Variants in LGALS14 observed in about 807,000 individuals in gnomAD.
LGALS14 encodes the protein galectin 14, also known as placental protein 13-like.
In LGALS14, 14 loss-of-function variants were observed where a neutral mutation model predicts 14.6. That is an observed-to-expected ratio of 0.96 (90% CI 0.64 to 1.50). The LOEUF (loss-of-function observed/expected upper bound fraction) is 1.50. Ranked by LOEUF, LGALS14 falls within the 40% of genes most tolerant of loss-of-function variation. The probability of loss-of-function intolerance (pLI) is 0.00; values close to 1 mark genes in which losing one functional copy is unlikely to be tolerated. For missense variants in LGALS14, 180 were observed against 172.0 expected (o/e 1.05, Z -0.26); for synonymous variants, 57 against 63.9 (o/e 0.89, Z 0.51).
In LGALS14 at chr19:39,706,111, T is replaced by C. The variant is rs1427025429; in HGVS notation, c.16-486T>C. On this transcript the variant is annotated intron_variant, in intron 1 of 3. Coordinates refer to ENST00000392052, the MANE Select transcript of LGALS14 (RefSeq NM_020129.3). ...CACTGGAGTGAATTTTTAAATTCTT[T>C]CACCCTCAAGTCTTGTTTTCATTTT... 8 of 1,500,232 alleles carry C rather than the reference T, an allele frequency of 5.3e-6. No individual in the cohort carries two copies. In the African/African-American group the frequency reaches 1.1e-4, roughly 21 times the overall value. 92.9% of individuals were successfully genotyped at this position (1,500,232 alleles called of 1,614,324 possible).
In LGALS14 at chr19:39,707,140, G is replaced by C. The variant is rs77333432; in HGVS notation, c.93-38G>C. The stretch of plus-strand genomic sequence containing the variant: ...GTGGCGAGTGTGTGTCTGCACAATG[G>C]GGGGACCTGCCCAACATGCTGTGTG... On this transcript the variant is annotated intron_variant, in intron 2 of 3. Coordinates refer to ENST00000392052, the MANE Select transcript of LGALS14 (RefSeq NM_020129.3). 114 of 1,505,738 alleles carry C rather than the reference G, an allele frequency of 7.6e-5. No homozygotes were observed. The East Asian group carries it at 1.5e-3, about 19-fold the overall frequency. The allele number at this position is 1,505,738 out of a possible 1,614,324, so 93.3% of individuals were successfully genotyped here. A position where few individuals can be genotyped will look rare whatever the true frequency, so the allele number is the denominator to read the frequency against.
intron 1 of LGALS14, among the ~76,000 whole-genome samples, chr19:39,705,528 A>G (rs1600834537): frequency 6.6e-6 from 1 of 152,158 alleles, no homozygotes; most frequent in East Asian, 1.9e-4. Flanking sequence ...CTGAATTCAG[A>G]CAGTGCTTAC....
chr19:39,708,492 A>G (rs1245093232), intron 3 of LGALS14, among the ~76,000 whole-genome samples: 1 of 152,216 alleles, frequency 6.6e-6, no homozygotes, highest in Non-Finnish European at 1.5e-5. Context: ...AAAAATGTGT[A>G]AATTTTAAAT....
intron 1 of LGALS14, chr19:39,706,014 G>GTGTA (rs760345913): frequency 2.3e-4 from 369 of 1,613,568 alleles, no homozygotes; most frequent in Non-Finnish European, 2.9e-4. Context: ...ATTGTGGTGC[G>GTGTA]TGTACATCCC....
At chr19:39,705,898 C>G in intron 1 of LGALS14, 1 of 1,612,610 alleles carries the variant, frequency 6.2e-7, no homozygotes, top group African/African-American at 1.3e-5. Context: ...ATCAATCATT[C>G]CCTCCAGTTA....
At chr19:39,705,878 C>A (rs780835158) in intron 1 of LGALS14, 24 of 1,611,152 alleles carry the variant, frequency 1.5e-5, no homozygotes, top group Non-Finnish European at 2.0e-5. Flanking sequence ...CACTTGCAGT[C>A]GTCGTAGAAA....
rs1234330972 is a variant in LGALS14, at chr19:39,707,348, C to T, written c.263C>T (p.Pro88Leu). The stretch of plus-strand genomic sequence containing the variant: ...TATTTACCCTTTGAAGATGGCAAAC[C>T]ATTTGAGCTGTGCATCTATGTGCGT... ...CYYLPFEDGK[P>L]FELCIYVRHK... The change falls in exon 3 of 4, where the codon CCA becomes CTA. Residue 88 changes from proline to leucine, a missense_variant. Physicochemically the swap from Pro to Leu is moderately conservative, Grantham distance 98. Coordinates refer to ENST00000392052, the MANE Select transcript of LGALS14 (RefSeq NM_020129.3). The T allele has an allele frequency of 3.1e-6, 5 of 1,614,066 alleles. No individual in the cohort carries two copies. Among genetic ancestry groups the T allele is most frequent in the South Asian group, 1.1e-5 (1 of 91,080 alleles).
chr19:39,707,941 C>A (rs1973741819), intron 3 of LGALS14, among the ~76,000 whole-genome samples: 1 of 152,036 alleles, frequency 6.6e-6, no homozygotes, highest in Non-Finnish European at 1.5e-5. Flanking sequence ...TCCCAAGTAG[C>A]CGGAATTACA....
intron 1 of LGALS14, chr19:39,705,961 T>C: frequency 6.2e-7 from 1 of 1,613,988 alleles, no homozygotes; most frequent in Non-Finnish European, 8.5e-7. Context: ...GTGCTGTCAG[T>C]AATGTGTGCC....
chr19:39,705,811 T>C, intron 1 of LGALS14: 1 of 1,470,646 alleles, frequency 6.8e-7, no homozygotes, highest in East Asian at 2.3e-5. Flanking sequence ...CACCACTGCA[T>C]ATCAGCCTGG....
intron 1 of LGALS14, 36 bp downstream of exon 1, chr19:39,704,579 G>T (rs1257464668): frequency 1.2e-6 from 2 of 1,608,682 alleles, no homozygotes; most frequent in South Asian, 2.2e-5. Context: ...ATAATCTCAA[G>T]TCACATAAAC....
intron 1 of LGALS14, 125 bp from the exon 2 acceptor site, chr19:39,706,472 G>A (rs62121663): frequency 5.6e-5 from 40 of 711,612 alleles, no homozygotes; most frequent in Non-Finnish European, 9.1e-5. Flanking sequence ...ACTGTGGTAG[G>A]GTGAAAGGGG....
In LGALS14 at chr19:39,705,648, G is replaced by A. The variant is rs184531725; in HGVS notation, c.16-949G>A. On this transcript the variant is annotated intron_variant, in intron 1 of 3. Transcript: ENST00000392052. ...ACTTGAGGCCAGAAATTTGAGACCG[G>A]TCTAGGCATCATAGTGATATGCTTT... is the stretch of plus-strand genomic sequence containing the variant. 1,423 of 359,328 alleles carry A rather than the reference G, an allele frequency of 4.0e-3. 17 individuals are homozygous for A. The highest frequency in any genetic ancestry group is 0.022 in the South Asian group (762 of 35,404). 22.3% of individuals were successfully genotyped at this position (359,328 alleles called of 1,614,324 possible).
At chr19:39,705,502 T>C (rs1172658524) in intron 1 of LGALS14, among the ~76,000 whole-genome samples, 1 of 152,146 alleles carries the variant, frequency 6.6e-6, no homozygotes, top group African/African-American at 2.4e-5. Context: ...CCTCCACTCA[T>C]GAAAGAACAA....
At chr19:39,705,770 A>G (rs1432045970) in intron 1 of LGALS14, 2 of 994,660 alleles carry the variant, frequency 2.0e-6, no homozygotes, top group Non-Finnish European at 3.0e-6. Context: ...ACTGCAGTCC[A>G]GGAGTTCGAT....
At chr19:39,706,550 G>A in intron 1 of LGALS14, 47 bp from the exon 2 acceptor site, 1 of 1,424,308 alleles carries the variant, frequency 7.0e-7, no homozygotes, top group Non-Finnish European at 9.9e-7. Flanking sequence ...CATAGGGGAG[G>A]TTACACCTTA....
At chr19:39,706,700 GGGTGGAGGA>G in intron 2 of LGALS14, 27 bp downstream of exon 2, 1 of 1,517,264 alleles carries the variant, frequency 6.6e-7, no homozygotes, top group Non-Finnish European at 9.2e-7. Flanking sequence ...CCAATGGAGG[GGGTGGAGGA>G]GAGAAGGGAG....
chr19:39,706,032 G>C (rs1284982415), intron 1 of LGALS14: 1 of 1,611,732 alleles, frequency 6.2e-7, no homozygotes, highest in Non-Finnish European at 8.5e-7. Flanking sequence ...CCCACACACA[G>C]GGGTTTCCTG....
chr19:39,708,755 A>G (rs1463761234), intron 3 of LGALS14, among the ~76,000 whole-genome samples: 1 of 152,210 alleles, frequency 6.6e-6, no homozygotes, highest in Non-Finnish European at 1.5e-5. Flanking sequence ...CCTCAGATGT[A>G]GGCTACTCCA....
Sources: allele counts gnomAD v4.1 joint callset (sites outside exome capture counted in the v4.1 genomes callset), GRCh38; gene constraint gnomAD v4.1.1; transcripts MANE v1.5; gene names NCBI Gene and HGNC (gene_info 2026-07-23, HGNC 2026-07-21).